TRIM49C: variants seen among roughly 807,000 people sequenced by gnomAD.
TRIM49C encodes the protein tripartite motif-containing protein 49C.
TRIM49C carries 6 observed loss-of-function variants against 21.4 expected under a neutral mutation model. The ratio of observed to expected loss-of-function variants is 0.28; its 90% CI spans 0.15 to 0.55. TRIM49C has a LOEUF of 0.55. Ranked by LOEUF, TRIM49C falls within the 20% of genes least tolerant of loss-of-function variation. TRIM49C has a pLI of 0.94. For synonymous variants in TRIM49C, 57 were observed against 148.1 expected, an observed-to-expected ratio of 0.38 and a Z score of 4.47; for missense variants, 161 against 442.4, an observed-to-expected ratio of 0.36 and a Z score of 5.71.
rs1950685474 is a variant in TRIM49C at position 90,031,236 on chromosome 11, C to G, written c.-199C>G. ...ATCTCACATTTGCTTAAGCAGCCCC[C>G]ACAATTGGGTAAGTCAAGTCTTTGC... is the stretch of plus-strand genomic sequence containing the variant. On this transcript the variant is annotated 5_prime_UTR_variant, in exon 1 of 8. Coordinates refer to ENST00000448984, the MANE Select transcript of TRIM49C (RefSeq NM_001195234.1). The G allele has an allele frequency of 1.5e-5, 2 of 133,084 alleles. 1 individual carries two copies. The highest frequency in any genetic ancestry group is 5.3e-5 in the African/African-American group (2 of 37,446). 8.2% of individuals were successfully genotyped at this position (133,084 alleles called of 1,614,324 possible).
chr11:90,037,312 G>A (rs1236788966), intron 4 of TRIM49C, among the ~76,000 whole-genome samples: 1 of 132,708 alleles, frequency 7.5e-6, no homozygotes, highest in African/African-American at 2.7e-5. Flanking sequence ...AGGTTTTGCT[G>A]AGCGAAATGC....
At chr11:90,054,753 G>T in the TRIM49C span, among the ~76,000 whole-genome samples, 1 of 137,288 alleles carries the variant, frequency 7.3e-6, no homozygotes, top group Non-Finnish European at 1.6e-5. Context: ...ATCTCTAGGA[G>T]AATCAATACA....
chr11:90,043,744 T>C (rs544134220), downstream of TRIM49C, among the ~76,000 whole-genome samples: 6 of 121,490 alleles, frequency 4.9e-5, 2 homozygotes, highest in Admixed American at 1.8e-4. Context: ...GCATATTCAG[T>C]GTGTCTTCTC....
downstream of TRIM49C, among the ~76,000 whole-genome samples, chr11:90,045,200 C>G (rs1380936629): frequency 7.5e-6 from 1 of 132,808 alleles, no homozygotes; most frequent in Non-Finnish European, 1.6e-5. Context: ...AGTTTGAAGT[C>G]AAGTAGTGTG....
chr11:90,041,334 G>A lies in TRIM49C; in HGVS notation c.1143G>A (p.Gly381=). 2 of 1,590,194 alleles carry A rather than the reference G, an allele frequency of 1.3e-6. No individual in the cohort carries two copies. Among genetic ancestry groups the A allele is most frequent in the Non-Finnish European group, 8.6e-7 (1 of 1,165,074 alleles). Residue 381 remains glycine, a synonymous_variant, in exon 8 of 8, where the codon GGG becomes GGA. Coordinates refer to ENST00000448984, the MANE Select transcript of TRIM49C (RefSeq NM_001195234.1). The part of the protein sequence containing the change: ...IDGKEGLFLL[G]CIKNDIQCSL... ...GAAAGGAGGGACTCTTTCTTCTTGG[G>A]TGTATTAAGAATGACATTCAATGCA...
chr11:90,063,328 C>G, the TRIM49C span, among the ~76,000 whole-genome samples: 6 of 126,730 alleles, frequency 4.7e-5, 2 homozygotes, highest in East Asian at 1.2e-3. Context: ...CTCTAGATTA[C>G]TTTGAATGCC....
the TRIM49C span, chr11:90,072,870 T>C: frequency 2.8e-6 from 1 of 355,194 alleles, no homozygotes; most frequent in Non-Finnish European, 4.9e-6. Context: ...TAAGAATTTA[T>C]AAACTGCTTT....
At chr11:90,071,188 T>C in the TRIM49C span, 3 of 493,346 alleles carry the variant, frequency 6.1e-6, no homozygotes, top group African/African-American at 2.0e-5. Flanking sequence ...TGGCCATCAG[T>C]GCAAGCTGGA....
chr11:90,067,367 C>A, the TRIM49C span, among the ~76,000 whole-genome samples: 2 of 142,974 alleles, frequency 1.4e-5, no homozygotes, highest in African/African-American at 5.1e-5. Flanking sequence ...TTGCTAATAT[C>A]AAAATATTCA....
At chr11:90,046,588 G>A (rs1346247660), downstream of TRIM49C, among the ~76,000 whole-genome samples, 2 of 121,904 alleles carry the variant, frequency 1.6e-5, 1 homozygote, top group Non-Finnish European at 3.4e-5. Flanking sequence ...ATGGTAGTTT[G>A]TATTTCTGTG....
At chr11:90,036,760 T>C (rs1164757163) in intron 4 of TRIM49C, among the ~76,000 whole-genome samples, 3 of 138,366 alleles carry the variant, frequency 2.2e-5, no homozygotes, top group Non-Finnish European at 4.7e-5. Context: ...AGCACCTTTG[T>C]CCTCACAAAT....
chr11:90,072,035 C>T, the TRIM49C span, among the ~76,000 whole-genome samples: 1 of 141,192 alleles, frequency 7.1e-6, no homozygotes, highest in African/African-American at 2.5e-5. Flanking sequence ...GGACGTAGAA[C>T]CATTCATGTA....
the TRIM49C span, among the ~76,000 whole-genome samples, chr11:90,056,192 C>A: frequency 1.5e-5 from 2 of 136,966 alleles, no homozygotes; most frequent in Non-Finnish European, 3.2e-5. Flanking sequence ...GATCTCCTGA[C>A]CTTGTGATCC....
At chr11:90,052,605 G>T in the TRIM49C span, 1 of 142,964 alleles carries the variant, frequency 7.0e-6, no homozygotes, top group African/African-American at 2.5e-5. Flanking sequence ...TCCCGGCAGG[G>T]GCGCTCCAGG....
chr11:90,059,589 G>T, the TRIM49C span, among the ~76,000 whole-genome samples: 1 of 76,090 alleles, frequency 1.3e-5, no homozygotes, highest in East Asian at 3.6e-4. Flanking sequence ...AGGGTATGCA[G>T]AAATCCTGGA....
chr11:90,066,255 G>C, the TRIM49C span, among the ~76,000 whole-genome samples: 2 of 136,798 alleles, frequency 1.5e-5, no homozygotes, highest in Admixed American at 1.7e-4. Flanking sequence ...CCTCACTTCA[G>C]GTGATCTGCC....
the TRIM49C span, among the ~76,000 whole-genome samples, chr11:90,055,710 C>T: frequency 1.8e-4 from 27 of 146,478 alleles, 2 homozygotes; most frequent in African/African-American, 6.6e-4. Context: ...ACTTTTCTTC[C>T]GGCTTTCCTG....
chr11:90,051,762 C>G, the TRIM49C span: 2 of 306,700 alleles, frequency 6.5e-6, no homozygotes, highest in Middle Eastern at 9.2e-4. Flanking sequence ...GCCCGGTGGT[C>G]CCGGGAGCAG....
the TRIM49C span, chr11:90,062,935 G>T: frequency 3.1e-4 from 444 of 1,427,136 alleles, 57 homozygotes; most frequent in Non-Finnish European, 3.9e-4. Context: ...GGTCTATGAA[G>T]TAGTTCACGC....
Sources: gnomAD v4.1 joint callset for allele counts (sites outside exome capture counted in the v4.1 genomes callset) on GRCh38, gnomAD v4.1.1 for gene constraint, MANE v1.5 for transcripts, NCBI Gene and HGNC (gene_info 2026-07-23, HGNC 2026-07-21) for gene names.